Variants in CACNA2D1 observed in about 807,000 individuals in gnomAD.
CACNA2D1 encodes the protein calcium voltage-gated channel auxiliary subunit alpha2delta 1.
A neutral mutation model predicts 171.5 loss-of-function variants in CACNA2D1; 53 were observed. The ratio of observed to expected loss-of-function variants is 0.31; its 90% CI spans 0.25 to 0.39. CACNA2D1 has a LOEUF of 0.39. Ranked by LOEUF, CACNA2D1 falls within the 10% of genes least tolerant of loss-of-function variation. CACNA2D1 has a pLI of 1.00. For synonymous variants in CACNA2D1, 442 were observed against 443.1 expected, an observed-to-expected ratio of 1.00 and a Z score of 0.03; for missense variants, 903 against 1,299.8, an observed-to-expected ratio of 0.69 and a Z score of 4.69.
intron 3 of CACNA2D1, among the ~76,000 whole-genome samples, chr7:82,262,317 T>C (rs1003310911): frequency 2.0e-5 from 3 of 151,926 alleles, no homozygotes; most frequent in Non-Finnish European, 2.9e-5. Flanking sequence ...GGCAACAGAG[T>C]GAGACTCTGT....
chr7:81,993,293 A>T lies in CACNA2D1; in HGVS notation c.1734+1575T>A, dbSNP rs145760418. 2.7e-3 allele frequency among the ~76,000 whole-genome samples: 407 copies of T among 152,296 alleles called. 2 individuals are homozygous for T. Among genetic ancestry groups the T allele is most frequent in the African/African-American group, 9.2e-3 (384 of 41,590 alleles). On this transcript the variant is annotated intron_variant, in intron 20 of 38. Coordinates refer to ENST00000356860, the MANE Select transcript of CACNA2D1 (RefSeq NM_000722.4). ...ACATTTCCTAGGTGAGGAATTTCAAATTACTTGCAACTCATTATGCCAAAC... is the reference window on the plus strand; with the variant it reads ...ACATTTCCTAGGTGAGGAATTTCAATTTACTTGCAACTCATTATGCCAAAC...
At chr7:82,349,365 G>A (rs1370524833) in intron 2 of CACNA2D1, among the ~76,000 whole-genome samples, 1 of 152,148 alleles carries the variant, frequency 6.6e-6, no homozygotes, top group African/African-American at 2.4e-5. Flanking sequence ...AAAGTGTGCT[G>A]AGAAAGTTTC....
At chr7:82,308,534 T>G (rs1291142927) in intron 3 of CACNA2D1, among the ~76,000 whole-genome samples, 1 of 152,158 alleles carries the variant, frequency 6.6e-6, no homozygotes, top group African/African-American at 2.4e-5. Context: ...AGCCACCTGT[T>G]CAACTAAATG....
chr7:81,999,015 G>A lies in CACNA2D1; in HGVS notation c.1591-1765C>T, dbSNP rs28363709. Among the ~76,000 whole-genome samples the A allele has an allele frequency of 9.9e-3, 1,488 of 150,914 alleles. 22 individuals are homozygous for A. The highest frequency in any genetic ancestry group is 0.029 in the African/African-American group (1,204 of 41,056). On this transcript the variant is annotated intron_variant, in intron 18 of 38. Transcript: ENST00000356860. ...GCATTAAAATTTTAACAAACTCACT[G>A]CAAAGCAAAGTCAAAATAATGAAAA... is the stretch of plus-strand genomic sequence containing the variant.
intron 17 of CACNA2D1, 74 bp downstream of exon 17, chr7:82,005,691 T>C (rs1799048562): frequency 9.3e-7 from 1 of 1,075,524 alleles, no homozygotes. Context: ...TTTTGAGAAT[T>C]ACCTAAGTGC....
intron 3 of CACNA2D1, among the ~76,000 whole-genome samples, chr7:82,270,423 AT>A (rs1339473366): frequency 6.6e-6 from 1 of 151,982 alleles, no homozygotes; most frequent in East Asian, 1.9e-4. Flanking sequence ...GTACAGAAAT[AT>A]TTTGTTCTTT....
chr7:82,133,433 A>G (rs1791237860), intron 5 of CACNA2D1, among the ~76,000 whole-genome samples: 1 of 152,206 alleles, frequency 6.6e-6, no homozygotes, highest in East Asian at 1.9e-4. Context: ...ATCTTTTAAT[A>G]TAATGCTGAG....
intron 3 of CACNA2D1, among the ~76,000 whole-genome samples, chr7:82,327,061 A>G (rs1234848779): frequency 6.6e-6 from 1 of 152,250 alleles, no homozygotes; most frequent in Non-Finnish European, 1.5e-5. Context: ...GGGGCTCCAT[A>G]TAAAAAATGC....
chr7:82,368,512 C>T lies in CACNA2D1; in HGVS notation c.96-18863G>A, dbSNP rs189411607. The stretch of plus-strand genomic sequence containing the variant: ...TGCATTTTTAGACTTTAAACAAATC[C>T]ATGTACTATTTTACTTTACTTTAAA... On this transcript the variant is annotated intron_variant, in intron 1 of 38. Coordinates refer to ENST00000356860, the MANE Select transcript of CACNA2D1 (RefSeq NM_000722.4). Among the ~76,000 whole-genome samples, 17 of 152,228 alleles carry T rather than the reference C, an allele frequency of 1.1e-4. No individual in the cohort carries two copies. In the East Asian group the frequency reaches 2.9e-3, roughly 26 times the overall value.
At chr7:82,194,560 C>T (rs1364698823) in intron 3 of CACNA2D1, among the ~76,000 whole-genome samples, 1 of 151,526 alleles carries the variant, frequency 6.6e-6, no homozygotes, top group Non-Finnish European at 1.5e-5. Flanking sequence ...AAACTAAAGT[C>T]CAAGCTGAAA....
chr7:82,168,801 T>A (rs371004597), intron 4 of CACNA2D1, among the ~76,000 whole-genome samples: 1 of 152,084 alleles, frequency 6.6e-6, no homozygotes, highest in East Asian at 1.9e-4. Flanking sequence ...AACATACAAC[T>A]AATAAATGAC....
At chr7:81,962,625 T>C in intron 34 of CACNA2D1, 130 bp from the exon 35 acceptor site, 1 of 671,718 alleles carries the variant, frequency 1.5e-6, no homozygotes. Context: ...TTTATTTAAG[T>C]ATTTTCAAAA....
chr7:81,963,602 A>AAAC (rs1226414609), intron 34 of CACNA2D1, among the ~76,000 whole-genome samples: 1 of 151,984 alleles, frequency 6.6e-6, no homozygotes, highest in African/African-American at 2.4e-5. Context: ...GATGCCCCTA[A>AAAC]AACAATACTA....
In CACNA2D1 at chr7:82,331,926, T is replaced by G. The variant is rs144266639; in HGVS notation, c.294+3209A>C. 2.1e-4 allele frequency among the ~76,000 whole-genome samples: 32 copies of G among 152,268 alleles called. 1 individual carries two copies. Among genetic ancestry groups the G allele is most frequent in the African/African-American group, 7.2e-4 (30 of 41,568 alleles). On this transcript the variant is annotated intron_variant, in intron 3 of 38. Transcript: ENST00000356860. ...AGCACCTTATTTTTATTAGATAAGT[T>G]TTTATTACAAACATTTACTTAAATA...
chr7:82,190,878 C>A (rs1798225328), intron 3 of CACNA2D1, among the ~76,000 whole-genome samples: 1 of 151,444 alleles, frequency 6.6e-6, no homozygotes, highest in South Asian at 2.1e-4. Flanking sequence ...TCAACAGGAG[C>A]CATCAAAAAA....
At chr7:82,004,046 A>T (rs1219162859) in intron 18 of CACNA2D1, among the ~76,000 whole-genome samples, 1 of 152,166 alleles carries the variant, frequency 6.6e-6, no homozygotes, top group African/African-American at 2.4e-5. Context: ...CGCCCAGCCC[A>T]CATTACACTT....
rs551132681 is a variant in CACNA2D1, at chr7:82,149,797, A to C, written c.355-13121T>G. ...CAAAAAAAAAACAAACAAACAACAA[A>C]AAAAAAAACATTAGCTGGGTGTGGT... On this transcript the variant is annotated intron_variant, in intron 4 of 38. Coordinates refer to ENST00000356860, the MANE Select transcript of CACNA2D1 (RefSeq NM_000722.4). Among the ~76,000 whole-genome samples, 986 of 108,520 alleles carry C rather than the reference A, an allele frequency of 9.1e-3. 17 individuals carry two copies. Among genetic ancestry groups the C allele is most frequent in the East Asian group, 0.033 (83 of 2,518 alleles). 71.2% of individuals were successfully genotyped at this position (108,520 alleles called of 152,430 possible). A position where few individuals can be genotyped will look rare whatever the true frequency, so the allele number is the denominator to read the frequency against.
At chr7:82,417,463 A>G (rs1039158180) in intron 1 of CACNA2D1, among the ~76,000 whole-genome samples, 6 of 152,274 alleles carry the variant, frequency 3.9e-5, no homozygotes, top group Non-Finnish European at 8.8e-5. Flanking sequence ...TCAGGAATTA[A>G]TGAATAAAAC....
rs4018910 is a variant in CACNA2D1, at chr7:82,301,730, TACACACACACAC to T, written c.294+33393_294+33404del. ...ATTGTGTATTAATTTTGGTAAATAA[TACACACACACAC>T]ACACACACACACACACACACACACA... On this transcript the variant is annotated intron_variant, in intron 3 of 38. Transcript: ENST00000356860. 5.5e-3 allele frequency among the ~76,000 whole-genome samples: 786 copies of T among 142,272 alleles called. 16 individuals are homozygous for T. In the East Asian group the frequency reaches 0.062, roughly 11 times the overall value. The allele number at this position is 142,272 out of a possible 152,430, so 93.3% of individuals were successfully genotyped here. A position where few individuals can be genotyped will look rare whatever the true frequency, so the allele number is the denominator to read the frequency against.
Sources: gnomAD v4.1 joint callset for allele counts (sites outside exome capture counted in the v4.1 genomes callset) on GRCh38, gnomAD v4.1.1 for gene constraint, MANE v1.5 for transcripts, NCBI Gene and HGNC (gene_info 2026-07-23, HGNC 2026-07-21) for gene names.